The following TMEM232 variants were observed in gnomAD, a reference collection of about 807,000 sequenced individuals.
TMEM232 encodes the protein transmembrane protein 232.
In TMEM232, 80 loss-of-function variants were observed where a neutral mutation model predicts 78.8. The observed-to-expected ratio is 1.01, with a 90% CI of 0.85 to 1.22. The LOEUF is 1.22. Among genes scored for constraint, TMEM232 ranks in the 50% most tolerant of loss-of-function variants. The pLI, the probability that TMEM232 is intolerant of heterozygous loss-of-function variation, is 0.00. For synonymous variants in TMEM232, 297 were observed against 254.3 expected (o/e 1.17, Z -1.60); for missense variants, 881 against 742.2 (o/e 1.19, Z -2.17).
intron 12 of TMEM232, among the ~76,000 whole-genome samples, chr5:110,450,418 C>G (rs1339911910): frequency 6.6e-6 from 1 of 152,062 alleles, no homozygotes; most frequent in Non-Finnish European, 1.5e-5. Context: ...ATCTCTCTCA[C>G]CTGTACTTTT....
chr5:110,391,291 ATGTGTGTGTGTGTGTG>A (rs369913835), intron 3 of TMEM232, among the ~76,000 whole-genome samples: 3 of 130,576 alleles, frequency 2.3e-5, no homozygotes, highest in Non-Finnish European at 4.7e-5. Context: ...TCCCGTTTGA[ATGTGTGTGTGTGTGTG>A]TGTGTGTGTG....
chr5:110,515,167 C>T (rs1218708487), intron 12 of TMEM232, among the ~76,000 whole-genome samples: 1 of 152,172 alleles, frequency 6.6e-6, no homozygotes, highest in Non-Finnish European at 1.5e-5. Context: ...ATAATCATAA[C>T]TCCATCTAAG....
chr5:110,613,579 A>C (rs1782569627), intron 8 of TMEM232, among the ~76,000 whole-genome samples: 1 of 152,168 alleles, frequency 6.6e-6, no homozygotes. Flanking sequence ...TCTTCCACCA[A>C]GTGTCACAAT....
At chr5:110,601,700 C>T (rs1780923800) in intron 10 of TMEM232, among the ~76,000 whole-genome samples, 2 of 152,092 alleles carry the variant, frequency 1.3e-5, no homozygotes, top group Admixed American at 1.3e-4. Flanking sequence ...GAATCAATAT[C>T]ATAAAAATGG....
intron 2 of TMEM232, among the ~76,000 whole-genome samples, chr5:110,404,453 G>A (rs1755713461): frequency 6.6e-6 from 1 of 151,906 alleles, no homozygotes; most frequent in Admixed American, 6.6e-5. Context: ...CTGTCTCCTT[G>A]GTTTTAAAAA....
chr5:110,501,381 CTTA>C lies in TMEM232; in HGVS notation c.1703+27204_1703+27206del, dbSNP rs200054073. On this transcript the variant is annotated intron_variant, in intron 12 of 13. Transcript: ENST00000455884. ...AAGTAGAATGTAAATACTAATTAGTCTTATTATAATAATTATATTTTATCCTTA... is the reference window on the plus strand; with the variant it reads ...AAGTAGAATGTAAATACTAATTAGTCTTATAATAATTATATTTTATCCTTA... 4.1e-3 allele frequency among the ~76,000 whole-genome samples: 623 copies of C among 151,822 alleles called. 8 individuals are homozygous for C. Among genetic ancestry groups the C allele is most frequent in the Admixed American group, 3.4e-3 (52 of 15,252 alleles).
At chr5:110,686,472 T>C (rs1225760412) in intron 1 of TMEM232, among the ~76,000 whole-genome samples, 3 of 151,888 alleles carry the variant, frequency 2.0e-5, no homozygotes, top group African/African-American at 7.3e-5. Context: ...GACTAGAGAC[T>C]CAGTTGACAT....
chr5:110,407,301 C>T (rs920623482), intron 2 of TMEM232, among the ~76,000 whole-genome samples: 5 of 151,804 alleles, frequency 3.3e-5, no homozygotes, highest in African/African-American at 1.2e-4. Flanking sequence ...CTCAAGAAAC[C>T]CACATATGTA....
chr5:110,534,982 C>T (rs959603709), intron 11 of TMEM232, among the ~76,000 whole-genome samples: 1 of 152,144 alleles, frequency 6.6e-6, no homozygotes, highest in African/African-American at 2.4e-5. Context: ...TAAGTTCCCA[C>T]ACCGCCCCTA....
At chr5:110,630,999 C>T (rs950855508) in intron 5 of TMEM232, among the ~76,000 whole-genome samples, 2 of 152,062 alleles carry the variant, frequency 1.3e-5, no homozygotes, top group Admixed American at 6.6e-5. Context: ...ACCTAAGCAA[C>T]TACAGCAGTG....
At chr5:110,448,830 A>T (rs1005918072) in intron 12 of TMEM232, among the ~76,000 whole-genome samples, 1 of 151,958 alleles carries the variant, frequency 6.6e-6, no homozygotes, top group Non-Finnish European at 1.5e-5. Context: ...AACAGAATAT[A>T]TGAGCTCCAA....
intron 2 of TMEM232, among the ~76,000 whole-genome samples, chr5:110,666,194 C>T (rs1202007277): frequency 6.6e-6 from 1 of 152,092 alleles, no homozygotes; most frequent in African/African-American, 2.4e-5. Flanking sequence ...ATCTGACCTG[C>T]TCCTTTTTAG....
At chr5:110,472,609 C>CA (rs1186881984) in intron 12 of TMEM232, among the ~76,000 whole-genome samples, 2 of 151,604 alleles carry the variant, frequency 1.3e-5, no homozygotes, top group African/African-American at 4.8e-5. Flanking sequence ...CTTGAGCAAA[C>CA]AAAACCAAAA....
At chr5:110,660,894 A>G (rs1471432167) in intron 2 of TMEM232, among the ~76,000 whole-genome samples, 1 of 152,156 alleles carries the variant, frequency 6.6e-6, no homozygotes, top group Non-Finnish European at 1.5e-5. Context: ...ATTGTTGTTA[A>G]GTTTAGTCAC....
intron 2 of TMEM232, among the ~76,000 whole-genome samples, chr5:110,646,443 T>C (rs1316439965): frequency 6.6e-6 from 1 of 151,784 alleles, no homozygotes; most frequent in African/African-American, 2.4e-5. Context: ...CAACTGATCT[T>C]TGACATGGGT....
At position 110,557,675 on chromosome 5, in the gene TMEM232, T is replaced by C. The variant is rs572829478; in HGVS notation, c.1455+10772A>G. ...AGGAAGAGAGAAAGAGGGGAGGTTC[T>C]ACACACTTTTAAACAACCAGATCTT... On this transcript the variant is annotated intron_variant, in intron 11 of 13. Coordinates refer to ENST00000455884, the MANE Select transcript of TMEM232 (RefSeq NM_001039763.4). Among the ~76,000 whole-genome samples the C allele has an allele frequency of 5.9e-5, 9 of 152,250 alleles. No individual in the cohort carries two copies. In the South Asian group the frequency reaches 1.9e-3, roughly 32 times the overall value.
chr5:110,391,318 TGTGTGTGTGA>T (rs1376708808), intron 3 of TMEM232, among the ~76,000 whole-genome samples: 1 of 137,182 alleles, frequency 7.3e-6, no homozygotes, highest in Non-Finnish European at 1.5e-5. Context: ...TGTGTGTGTG[TGTGTGTGTGA>T]GAGAGAGAGA....
chr5:110,422,581 G>T (rs1201966524), intron 13 of TMEM232, among the ~76,000 whole-genome samples: 1 of 102,226 alleles, frequency 9.8e-6, no homozygotes, highest in African/African-American at 3.7e-5. Context: ...TAATTCTTAA[G>T]AACTGCCAGC....
chr5:110,595,026 C>T (rs115126111), intron 10 of TMEM232, among the ~76,000 whole-genome samples: 1,945 of 152,212 alleles, frequency 0.013, 27 homozygotes, highest in Non-Finnish European at 0.018. Context: ...AGGAGAGCTC[C>T]GGCTGGCATC....
Sources: allele counts gnomAD v4.1 joint callset (sites outside exome capture counted in the v4.1 genomes callset), GRCh38; gene constraint gnomAD v4.1.1; transcripts MANE v1.5; gene names NCBI Gene and HGNC (gene_info 2026-07-23, HGNC 2026-07-21).